Variants in ATPAF1 observed in about 807,000 individuals in gnomAD.
The protein encoded by ATPAF1 is homolog of yeast ATP11.
A neutral mutation model predicts 43.9 loss-of-function variants in ATPAF1; 26 were observed. The ratio of observed to expected loss-of-function variants is 0.59; its 90% CI spans 0.43 to 0.82. ATPAF1 has a LOEUF of 0.82. ATPAF1 is among the 40% of genes least tolerant of loss of function. ATPAF1 has a pLI of 0.00. For missense variants in ATPAF1, 366 were observed against 435.0 expected (o/e 0.84, Z 1.41); for synonymous variants, 157 against 168.0 (o/e 0.93, Z 0.50).
intron 2 of ATPAF1, among the ~76,000 whole-genome samples, chr1:46,663,433 CTCCAGCACCTGTTGT>C (rs1487026330): frequency 6.6e-6 from 1 of 152,234 alleles, no homozygotes; most frequent in Non-Finnish European, 1.5e-5. Context: ...TCCACATCCT[CTCCAGCACCTGTTGT>C]TTCCTGACTT....
chr1:46,668,126 C>G lies in ATPAF1; in HGVS notation c.197G>C (p.Gly66Ala). 7.0e-7 allele frequency: 1 copy of G among 1,430,084 alleles called. No individual in the cohort carries two copies. The highest frequency in any genetic ancestry group is 9.2e-7 in the Non-Finnish European group (1 of 1,091,066). 88.6% of individuals were successfully genotyped at this position (1,430,084 alleles called of 1,614,324 possible). Residue 66 changes from glycine to alanine, a missense_variant, in exon 1 of 9, where the codon GGG becomes GCG. This residue lies in a region of ATPAF1 where 186 missense variants were observed against 168.5 expected (regional missense o/e 1.10). Transcript: ENST00000574428. This position sits in a 1 kb window ranked among gnomAD's most constrained non-coding sequence, Gnocchi z 4.4. ...GTTGGCCTGGAGCTCGGCCTCGGCC[C>G]CGACCCCGCTGCTGTCGGCGCCCCC...
chr1:46,648,544 T>A (rs1192662098), intron 6 of ATPAF1, among the ~76,000 whole-genome samples: 1 of 151,984 alleles, frequency 6.6e-6, no homozygotes, highest in Non-Finnish European at 1.5e-5. Flanking sequence ...GCTTGAAAAA[T>A]TTTTTTTATA....
At chr1:46,650,391 T>C (rs1027635345) in intron 6 of ATPAF1, among the ~76,000 whole-genome samples, 8 of 149,374 alleles carry the variant, frequency 5.4e-5, no homozygotes, top group Non-Finnish European at 1.2e-4. Context: ...GGTGAAGATG[T>C]GGAGAAAGAG....
chr1:46,658,583 C>A, intron 3 of ATPAF1, 104 bp downstream of exon 3: 1 of 842,844 alleles, frequency 1.2e-6, no homozygotes, highest in Non-Finnish European at 1.8e-6. Context: ...TCACCTTACA[C>A]AAAATCACTG....
intron 4 of ATPAF1, among the ~76,000 whole-genome samples, chr1:46,654,528 T>TTTATTATTA (rs57700546): frequency 0.064 from 8,613 of 135,126 alleles, 319 homozygotes; most frequent in Admixed American, 0.11. Flanking sequence ...TATTTATTTA[T>TTTATTATTA]TTATTATTAT....
rs1386607890 is a variant in ATPAF1, at chr1:46,663,587, A to G, written c.375+1669T>C. Among the ~76,000 whole-genome samples the G allele has an allele frequency of 2.0e-5, 3 of 151,690 alleles. No homozygotes were observed. In the East Asian group the frequency reaches 5.8e-4, roughly 29 times the overall value. ...TTGGCTGCATAAATGTCTTCTTTTG[A>G]GAAGTGTCTGTTCGTATCCTTTGTC... On this transcript the variant is annotated intron_variant, in intron 2 of 8. Transcript: ENST00000574428.
At chr1:46,661,111 C>A (rs11801419) in intron 2 of ATPAF1, among the ~76,000 whole-genome samples, 1 of 150,118 alleles carries the variant, frequency 6.7e-6, no homozygotes, top group African/African-American at 2.5e-5. Context: ...CTCACTCTGT[C>A]GCCCACGCTG....
chr1:46,667,466 T>C (rs897860701), intron 1 of ATPAF1, among the ~76,000 whole-genome samples: 3 of 152,192 alleles, frequency 2.0e-5, no homozygotes, highest in Admixed American at 6.5e-5. Context: ...GAGGTGGTGT[T>C]AGGGACCCTG....
chr1:46,664,001 G>A, intron 2 of ATPAF1: 1 of 901,772 alleles, frequency 1.1e-6, no homozygotes, highest in Non-Finnish European at 1.5e-6. Context: ...AAAGATGAAA[G>A]AGAATAAAAA....
intron 6 of ATPAF1, among the ~76,000 whole-genome samples, chr1:46,647,492 G>A (rs1676065818): frequency 8.3e-6 from 1 of 119,908 alleles, no homozygotes; most frequent in Admixed American, 8.1e-5. Context: ...CATTGTGTAT[G>A]TATACACACA....
Position 46,668,021 on chromosome 1 carries a change from G to A in ATPAF1, c.266+36C>T, listed in dbSNP as rs1385167900. On this transcript the variant is annotated intron_variant, in intron 1 of 8. Transcript: ENST00000574428. This position sits in a 1 kb window ranked among gnomAD's most constrained non-coding sequence, Gnocchi z 4.4. Reference sequence around the variant, plus strand: ...AGCAGCCCGGGCCGCCCCTCCTCCCGCCTCCTGCCCGCCTCCAGCCAACCC... The same window carrying A: ...AGCAGCCCGGGCCGCCCCTCCTCCCACCTCCTGCCCGCCTCCAGCCAACCC... The A allele has an allele frequency of 4.5e-6, 6 of 1,328,136 alleles. No homozygotes were observed. Among genetic ancestry groups the A allele is most frequent in the Non-Finnish European group, 4.8e-6 (5 of 1,041,608 alleles). The allele number at this position is 1,328,136 out of a possible 1,614,324, so 82.3% of individuals were successfully genotyped here. A position where few individuals can be genotyped will look rare whatever the true frequency, so the allele number is the denominator to read the frequency against.
exon 2 of ATPAF1, chr1:46,665,329 T>C: frequency 6.2e-7 from 1 of 1,614,258 alleles, no homozygotes; most frequent in Non-Finnish European, 8.5e-7. Flanking sequence ...TTCACTGCGT[T>C]TCTCCAGGCG....
intron 2 of ATPAF1, chr1:46,663,870 C>T: frequency 7.9e-7 from 1 of 1,267,226 alleles, no homozygotes; most frequent in Non-Finnish European, 1.0e-6. Context: ...CTGGATTACT[C>T]CATATTCTCC....
intron 4 of ATPAF1, 40 bp downstream of exon 4, chr1:46,658,087 A>C: frequency 6.3e-7 from 1 of 1,577,138 alleles, no homozygotes; most frequent in Non-Finnish European, 8.7e-7. Context: ...CACAGAATTC[A>C]CATTTTCATA....
rs1048239817 is a variant in ATPAF1 at position 46,651,021 on chromosome 1, T to A, written c.588+1560A>T. On this transcript the variant is annotated intron_variant, in intron 6 of 8. Coordinates refer to ENST00000574428, the Ensembl canonical transcript of ATPAF1. ...TTATTTATTTATTATTATTATACTT[T>A]AAGTTTTAGGGTACATGTGCACAAT... Among the ~76,000 whole-genome samples, 37 of 152,112 alleles carry A rather than the reference T, an allele frequency of 2.4e-4. 1 individual carries two copies. Among genetic ancestry groups the A allele is most frequent in the Non-Finnish European group, 1.8e-4 (12 of 68,034 alleles).
intron 2 of ATPAF1, chr1:46,663,902 C>A: frequency 7.8e-7 from 1 of 1,283,860 alleles, no homozygotes; most frequent in Non-Finnish European, 1.0e-6. Context: ...CTCTCCTACA[C>A]CAGTTTGTTC....
At chr1:46,667,898 G>C (rs757656735) in intron 1 of ATPAF1, among the ~76,000 whole-genome samples, 159 bp downstream of exon 1, 1 of 152,202 alleles carries the variant, frequency 6.6e-6, no homozygotes, top group Non-Finnish European at 1.5e-5. Context: ...TTAGCTGTGT[G>C]ATCTTGGGCA....
intron 8 of ATPAF1, among the ~76,000 whole-genome samples, chr1:46,641,450 C>T (rs187564857): frequency 3.9e-4 from 60 of 152,288 alleles, no homozygotes; most frequent in Admixed American, 2.2e-3. Context: ...TACCCTTGGG[C>T]GCACTTCTCC....
chr1:46,643,096 T>A, intron 8 of ATPAF1, 98 bp downstream of exon 8: 1 of 928,312 alleles, frequency 1.1e-6, no homozygotes, highest in South Asian at 1.4e-5. Context: ...AAGGTATATG[T>A]AGCTCTTTGA....
Sources: allele counts gnomAD v4.1 joint callset (sites outside exome capture counted in the v4.1 genomes callset), GRCh38; gene constraint gnomAD v4.1.1; regional missense constraint gnomAD v4.1.1; non-coding constraint Gnocchi (gnomAD v3.1); transcripts MANE v1.5; gene names NCBI Gene and HGNC (gene_info 2026-07-23, HGNC 2026-07-21).